Variants in XKR4 observed in about 807,000 individuals in gnomAD.
XKR4 encodes XK related 4.
A neutral mutation model predicts 53.9 loss-of-function variants in XKR4; 12 were observed. That is an observed-to-expected ratio of 0.22 (90% confidence interval 0.14 to 0.36). The LOEUF is 0.36. Ranked by LOEUF, XKR4 falls within the 10% of genes least tolerant of loss-of-function variation. The probability of loss-of-function intolerance (pLI) is 1.00; values close to 1 mark genes in which losing one functional copy is unlikely to be tolerated. For synonymous variants in XKR4, 354 were observed against 362.4 expected (o/e 0.98, Z 0.26); for missense variants, 799 against 859.5 (o/e 0.93, Z 0.88).
rs1439684597 is a variant in XKR4, at chr8:55,533,012, G to C, written c.*8785G>C. 1 of 152,062 alleles carries C rather than the reference G, an allele frequency of 6.6e-6. No individual in the cohort carries two copies. Among genetic ancestry groups the C allele is most frequent in the Non-Finnish European group, 1.5e-5 (1 of 68,008 alleles). The allele number at this position is 152,062 out of a possible 1,614,324, so 9.4% of individuals were successfully genotyped here. A position where few individuals can be genotyped will look rare whatever the true frequency, so the allele number is the denominator to read the frequency against. On this transcript the variant is annotated 3_prime_UTR_variant, in exon 3 of 3. Coordinates refer to ENST00000327381, the MANE Select transcript of XKR4 (RefSeq NM_052898.2). ...ATTTACCTATTCTAGTGGCATTCTG[G>C]TATGGAGCTGTATCAAATCAACACT...
chr8:55,486,319 A>T (rs2929021), intron 2 of XKR4, among the ~76,000 whole-genome samples: 62,434 of 152,112 alleles, frequency 0.41, 13,409 homozygotes, highest in East Asian at 0.53. Flanking sequence ...TCACCCAAAG[A>T]GCTGAGCTGT....
intron 2 of XKR4, among the ~76,000 whole-genome samples, chr8:55,501,496 C>G (rs933968687): frequency 4.1e-4 from 63 of 152,040 alleles, no homozygotes; most frequent in Non-Finnish European, 2.1e-4. Context: ...CACCATTCAA[C>G]TTTCTATCTC....
chr8:55,172,149 G>A (rs2129358586), intron 1 of XKR4, among the ~76,000 whole-genome samples: 1 of 151,894 alleles, frequency 6.6e-6, no homozygotes, highest in Non-Finnish European at 1.5e-5. Context: ...AGGTTGTCGG[G>A]GGTGGCTGCA....
chr8:55,200,656 G>A (rs566002620), intron 1 of XKR4, among the ~76,000 whole-genome samples: 1 of 152,286 alleles, frequency 6.6e-6, no homozygotes, highest in East Asian at 1.9e-4. Flanking sequence ...GCAATAATAT[G>A]TTGACACAGT....
chr8:55,474,818 A>G (rs1295371238), intron 2 of XKR4, among the ~76,000 whole-genome samples: 1 of 152,142 alleles, frequency 6.6e-6, no homozygotes, highest in Non-Finnish European at 1.5e-5. Context: ...TAGGTAATCT[A>G]TATCTGGACA....
chr8:55,133,833 C>A (rs1428739902), intron 1 of XKR4, among the ~76,000 whole-genome samples: 1 of 152,126 alleles, frequency 6.6e-6, no homozygotes, highest in Non-Finnish European at 1.5e-5. Flanking sequence ...AATATTTAAT[C>A]ACCAATAATG....
Position 55,232,110 on chromosome 8 carries a change from T to A in XKR4, c.807-125568T>A, listed in dbSNP as rs149888110. Among the ~76,000 whole-genome samples the A allele has an allele frequency of 9.6e-4, 146 of 152,348 alleles. 2 individuals are homozygous for A. The East Asian group carries it at 0.027, about 28-fold the overall frequency. On this transcript the variant is annotated intron_variant, in intron 1 of 2. Coordinates refer to ENST00000327381, the MANE Select transcript of XKR4 (RefSeq NM_052898.2). Reference sequence around the variant, plus strand: ...CCTGTCATTCTGACCACAGATCACATCTTGCCCCTCAGGAGTCATTTTCCG... The same window carrying A: ...CCTGTCATTCTGACCACAGATCACAACTTGCCCCTCAGGAGTCATTTTCCG...
intron 1 of XKR4, among the ~76,000 whole-genome samples, chr8:55,289,295 T>C (rs994901204): frequency 6.6e-6 from 1 of 151,896 alleles, no homozygotes; most frequent in African/African-American, 2.4e-5. Context: ...GGAGGGTGGA[T>C]CACTTGAGGT....
intron 1 of XKR4, among the ~76,000 whole-genome samples, chr8:55,126,788 C>T (rs1816473776): frequency 6.6e-6 from 1 of 152,162 alleles, no homozygotes; most frequent in Non-Finnish European, 1.5e-5. Context: ...TTCATTTAGT[C>T]AAATAGCATG....
At chr8:55,245,407 A>G (rs530981272) in intron 1 of XKR4, among the ~76,000 whole-genome samples, 14 of 152,082 alleles carry the variant, frequency 9.2e-5, no homozygotes, top group African/African-American at 3.4e-4. Flanking sequence ...TATATATTTA[A>G]TAATCCTATA....
At chr8:55,247,989 G>C (rs1024860955) in intron 1 of XKR4, among the ~76,000 whole-genome samples, 1 of 150,182 alleles carries the variant, frequency 6.7e-6, no homozygotes, top group Non-Finnish European at 1.5e-5. Flanking sequence ...CTAAGTAACT[G>C]GGACTACAGG....
intron 2 of XKR4, among the ~76,000 whole-genome samples, chr8:55,413,415 G>A (rs760994165): frequency 3.2e-4 from 48 of 152,024 alleles, no homozygotes; most frequent in Non-Finnish European, 6.5e-4. Flanking sequence ...TAATGGAGAC[G>A]GGGTTTCACC....
At chr8:55,423,773 T>C (rs987295844) in intron 2 of XKR4, among the ~76,000 whole-genome samples, 9 of 152,234 alleles carry the variant, frequency 5.9e-5, no homozygotes, top group African/African-American at 2.2e-4. Context: ...TTAATTAACA[T>C]TTCACTGAAG....
Position 55,481,317 on chromosome 8 carries a change from T to C in XKR4, c.1007-41964T>C, listed in dbSNP as rs1259110562. 1.1e-3 allele frequency among the ~76,000 whole-genome samples: 166 copies of C among 152,220 alleles called. 1 individual carries two copies. The highest frequency in any genetic ancestry group is 2.1e-3 in the East Asian group (11 of 5,192). ...GGGAAAGGATTCCCTATTTAATAAA[T>C]GGTGCTGGGAAAACTGGCTAGCCAT... On this transcript the variant is annotated intron_variant, in intron 2 of 2. Coordinates refer to ENST00000327381, the MANE Select transcript of XKR4 (RefSeq NM_052898.2).
chr8:55,457,895 T>G (rs1322720259), intron 2 of XKR4, among the ~76,000 whole-genome samples: 1 of 152,188 alleles, frequency 6.6e-6, no homozygotes, highest in African/African-American at 2.4e-5. Context: ...TATATTAAAG[T>G]TGCTGTATTT....
At chr8:55,174,164 A>G (rs1165910735) in intron 1 of XKR4, among the ~76,000 whole-genome samples, 1 of 152,192 alleles carries the variant, frequency 6.6e-6, no homozygotes, top group African/African-American at 2.4e-5. Context: ...AAAAGAATGC[A>G]AATGCTTAGT....
At chr8:55,204,182 T>C (rs1434211179) in intron 1 of XKR4, among the ~76,000 whole-genome samples, 2 of 152,026 alleles carry the variant, frequency 1.3e-5, no homozygotes, top group African/African-American at 2.4e-5. Context: ...GCTAATTTAT[T>C]GTTTTGTAGA....
chr8:55,207,378 C>T lies in XKR4; in HGVS notation c.806+104084C>T, dbSNP rs142501584. Among the ~76,000 whole-genome samples the T allele has an allele frequency of 1.1e-4, 17 of 152,294 alleles. No homozygotes were observed. In the East Asian group the frequency reaches 2.9e-3, roughly 26 times the overall value. Reference sequence around the variant, plus strand: ...AATCTCACATTCTCTGTGACCATGCCTTTCCTCAAGCATCTCCCCAACCCT... The same window carrying T: ...AATCTCACATTCTCTGTGACCATGCTTTTCCTCAAGCATCTCCCCAACCCT... On this transcript the variant is annotated intron_variant, in intron 1 of 2. Coordinates refer to ENST00000327381, the MANE Select transcript of XKR4 (RefSeq NM_052898.2).
chr8:55,126,024 A>G (rs149846882), intron 1 of XKR4, among the ~76,000 whole-genome samples: 7 of 152,256 alleles, frequency 4.6e-5, no homozygotes, highest in East Asian at 1.9e-4. Flanking sequence ...AGCAGTTATT[A>G]TAGATTGGCT....
Sources: gnomAD v4.1 joint callset for allele counts (sites outside exome capture counted in the v4.1 genomes callset) on GRCh38, gnomAD v4.1.1 for gene constraint, MANE v1.5 for transcripts, NCBI Gene and HGNC (gene_info 2026-07-23, HGNC 2026-07-21) for gene names.